Variants in RAB30 observed in about 807,000 individuals in gnomAD.
RAB30 encodes RAB30, member RAS oncogene family, also known as ras-related protein Rab-30.
A neutral mutation model predicts 25.1 loss-of-function variants in RAB30; 9 were observed. The ratio of observed to expected loss-of-function variants is 0.36; its 90% CI spans 0.22 to 0.63. RAB30 has a LOEUF of 0.63. Ranked by LOEUF, RAB30 falls within the 20% of genes least tolerant of loss-of-function variation. The pLI is 0.69. For missense variants in RAB30, 140 were observed against 243.5 expected (o/e 0.58, Z 2.83); for synonymous variants, 77 against 86.4 (o/e 0.89, Z 0.60).
chr11:83,020,533 A>G (rs1045463072), intron 1 of RAB30, among the ~76,000 whole-genome samples: 5 of 152,246 alleles, frequency 3.3e-5, no homozygotes, highest in Admixed American at 3.3e-4. Context: ...GGCAGGAGGC[A>G]GACAAGCTCC....
chr11:82,983,603 T>G (rs1856682464), intron 4 of RAB30, among the ~76,000 whole-genome samples: 1 of 152,024 alleles, frequency 6.6e-6, no homozygotes, highest in South Asian at 2.1e-4. Context: ...AGCTAATTTT[T>G]TTTTTTTATT....
intron 1 of RAB30, among the ~76,000 whole-genome samples, chr11:83,066,714 G>A (rs1245903760): frequency 2.0e-5 from 3 of 151,952 alleles, no homozygotes; most frequent in South Asian, 2.1e-4. Flanking sequence ...CTACACCCCC[G>A]CCTAATTTTG....
At chr11:83,048,816 G>A (rs1241312940) in intron 1 of RAB30, among the ~76,000 whole-genome samples, 1 of 152,188 alleles carries the variant, frequency 6.6e-6, no homozygotes, top group Non-Finnish European at 1.5e-5. Context: ...GCTGATGCCA[G>A]CCCCAAACAG....
chr11:83,046,021 G>A (rs985835310), intron 1 of RAB30, among the ~76,000 whole-genome samples: 1 of 152,200 alleles, frequency 6.6e-6, no homozygotes, highest in Non-Finnish European at 1.5e-5. Flanking sequence ...CAATGACACT[G>A]CTCAGATAAA....
chr11:83,062,320 C>A (rs1039077793), intron 1 of RAB30, among the ~76,000 whole-genome samples: 1 of 152,170 alleles, frequency 6.6e-6, no homozygotes, highest in Non-Finnish European at 1.5e-5. Context: ...CACAATACAA[C>A]TTTGTAGAGC....
chr11:83,038,331 C>T (rs1858031470), intron 1 of RAB30, among the ~76,000 whole-genome samples: 1 of 152,140 alleles, frequency 6.6e-6, no homozygotes, highest in Admixed American at 6.5e-5. Flanking sequence ...TGCTGAAAGG[C>T]TTTTTGGTGT....
chr11:82,997,511 C>T, intron 1 of RAB30, 187 bp from the exon 2 acceptor site: 4 of 559,298 alleles, frequency 7.2e-6, no homozygotes, highest in Non-Finnish European at 1.3e-5. Context: ...GACTTTATTC[C>T]TTCTCAGCTA....
intron 1 of RAB30, among the ~76,000 whole-genome samples, chr11:83,023,822 A>T (rs1021314824): frequency 2.0e-5 from 3 of 152,128 alleles, no homozygotes; most frequent in East Asian, 1.9e-4. Flanking sequence ...TCTCACCTCC[A>T]TGCTTCAGCC....
At chr11:83,022,780 C>A (rs1292817550) in intron 1 of RAB30, among the ~76,000 whole-genome samples, 2 of 152,004 alleles carry the variant, frequency 1.3e-5, no homozygotes, top group Non-Finnish European at 2.9e-5. Flanking sequence ...CCCCTGGTCA[C>A]AACTGGGGAA....
At chr11:83,053,546 T>C (rs1055129631) in intron 1 of RAB30, among the ~76,000 whole-genome samples, 4 of 152,030 alleles carry the variant, frequency 2.6e-5, no homozygotes, top group Non-Finnish European at 5.9e-5. Flanking sequence ...TCTGTGACTT[T>C]AGTTGTGAGC....
intron 1 of RAB30, among the ~76,000 whole-genome samples, chr11:83,041,861 G>A (rs1454394721): frequency 2.0e-5 from 3 of 151,950 alleles, no homozygotes; most frequent in Non-Finnish European, 4.4e-5. Flanking sequence ...GGCCAACATG[G>A]TGAAACACTG....
chr11:83,051,690 A>C (rs1421754423), intron 1 of RAB30, among the ~76,000 whole-genome samples: 3 of 152,198 alleles, frequency 2.0e-5, no homozygotes, highest in African/African-American at 7.2e-5. Context: ...CAGTTAAAAA[A>C]AAAAAACAAA....
chr11:83,070,307 G>A (rs994431952), intron 1 of RAB30, among the ~76,000 whole-genome samples: 2 of 152,132 alleles, frequency 1.3e-5, no homozygotes, highest in African/African-American at 4.8e-5. Context: ...CCCATACAAT[G>A]GACTGTCCTT....
rs917256723 is a variant in RAB30 at position 82,973,255 on chromosome 11, A to G, written c.*8910T>C. ...TACATTCATCCTTTGCACACAAAAT[A>G]CATTCTTTTTCTTTTACTCTCAGTA... On this transcript the variant is annotated 3_prime_UTR_variant, in exon 5 of 5. Coordinates refer to ENST00000527633, the MANE Select transcript of RAB30 (RefSeq NM_001286060.2). 1.3e-5 allele frequency: 2 copies of G among 152,238 alleles called. No individual in the cohort carries two copies. Among genetic ancestry groups the G allele is most frequent in the African/African-American group, 4.8e-5 (2 of 41,460 alleles). 9.4% of individuals were successfully genotyped at this position (152,238 alleles called of 1,614,324 possible).
intron 1 of RAB30, among the ~76,000 whole-genome samples, chr11:83,014,754 G>A (rs1019013957): frequency 6.6e-6 from 1 of 150,670 alleles, no homozygotes; most frequent in Non-Finnish European, 1.5e-5. Context: ...GAAAAAGAAT[G>A]AAAGAGAGAG....
chr11:83,015,881 T>C (rs180911202), intron 1 of RAB30, among the ~76,000 whole-genome samples: 24 of 152,336 alleles, frequency 1.6e-4, no homozygotes, highest in Non-Finnish European at 1.0e-4. Flanking sequence ...CTCATGCCTG[T>C]AATCTCAACA....
chr11:82,985,254 C>T (rs1478132320), intron 4 of RAB30, among the ~76,000 whole-genome samples: 2 of 152,182 alleles, frequency 1.3e-5, no homozygotes, highest in Admixed American at 6.5e-5. Context: ...CATGAGTCAC[C>T]ATGCCCAGCC....
Position 82,982,097 on chromosome 11 carries a change from GATCTCCCCAGC to G in RAB30, c.*57_*67del. On this transcript the variant is annotated 3_prime_UTR_variant, in exon 5 of 5. Transcript: ENST00000527633. ...AGAGCGGGAGCCACAGTCATCGCCA[GATCTCCCCAGC>G]ATCTCATGGCCCATCAGGGCAGTTG... 1 of 1,593,382 alleles carries G rather than the reference GATCTCCCCAGC, an allele frequency of 6.3e-7. No homozygotes were observed.
intron 1 of RAB30, among the ~76,000 whole-genome samples, chr11:83,025,838 C>T (rs1857698617): frequency 6.6e-6 from 1 of 151,964 alleles, no homozygotes. Context: ...AGGAGTTTTC[C>T]AGGCAAATAA....
Sources: gnomAD v4.1 joint callset for allele counts (sites outside exome capture counted in the v4.1 genomes callset) on GRCh38, gnomAD v4.1.1 for gene constraint, MANE v1.5 for transcripts, NCBI Gene and HGNC (gene_info 2026-07-23, HGNC 2026-07-21) for gene names.